The following BBS9 variants were observed in gnomAD, a reference collection of about 807,000 sequenced individuals.
BBS9 encodes protein PTHB1.
BBS9 carries 89 observed loss-of-function variants against 117.7 expected under a neutral mutation model. The observed-to-expected ratio is 0.76, with a 90% CI of 0.64 to 0.90. BBS9 has a LOEUF of 0.90. Among genes scored for constraint, BBS9 ranks in the 40% least tolerant of loss-of-function variants. The pLI is 0.00. For missense variants in BBS9, 982 were observed against 1,042.2 expected (o/e 0.94, Z 0.80); for synonymous variants, 379 against 370.9 (o/e 1.02, Z -0.25).
At chr7:33,472,219 C>T (rs754010565) in intron 19 of BBS9, among the ~76,000 whole-genome samples, 1 of 152,142 alleles carries the variant, frequency 6.6e-6, no homozygotes, top group South Asian at 2.1e-4. Context: ...ATATCTAAAG[C>T]ACTGTGAAGA....
intron 16 of BBS9, among the ~76,000 whole-genome samples, chr7:33,366,792 C>T (rs1011492464): frequency 6.6e-6 from 1 of 152,096 alleles, no homozygotes; most frequent in African/African-American, 2.4e-5. Context: ...GATCTGCCCA[C>T]CTCGGCCTCC....
intron 21 of BBS9, among the ~76,000 whole-genome samples, chr7:33,596,752 G>C (rs17170308): frequency 0.091 from 13,840 of 152,022 alleles, 1,077 homozygotes; most frequent in East Asian, 0.32. Flanking sequence ...GTGTAGAAGT[G>C]CATACACAGA....
At chr7:33,426,689 T>TA (rs1833708014) in intron 19 of BBS9, among the ~76,000 whole-genome samples, 2 of 152,208 alleles carry the variant, frequency 1.3e-5, no homozygotes, top group Non-Finnish European at 1.5e-5. Context: ...CGGAGTTTTT[T>TA]AAAAAACTAT....
intron 9 of BBS9, among the ~76,000 whole-genome samples, chr7:33,284,492 T>A (rs6946608): frequency 1.3e-5 from 2 of 151,948 alleles, no homozygotes; most frequent in African/African-American, 2.4e-5. Flanking sequence ...AATGCCACAC[T>A]TGCCACCATA....
At chr7:33,154,885 C>T (rs965407328) in intron 3 of BBS9, among the ~76,000 whole-genome samples, 2 of 152,358 alleles carry the variant, frequency 1.3e-5, no homozygotes, top group East Asian at 1.9e-4. Context: ...GCTCTGGCCC[C>T]AAGCCCAGAA....
At chr7:33,459,713 C>A (rs1471904026) in intron 19 of BBS9, among the ~76,000 whole-genome samples, 7 of 152,114 alleles carry the variant, frequency 4.6e-5, no homozygotes, top group Non-Finnish European at 8.8e-5. Flanking sequence ...TCAGCCATTT[C>A]TCCAAGGAGC....
chr7:33,273,016 ATTG>A lies in BBS9; in HGVS notation c.708_710del (p.Asp236_Trp237delinsGlu), dbSNP rs781639774. 6.2e-7 allele frequency: 1 copy of A among 1,613,632 alleles called. No individual in the cohort carries two copies. Among genetic ancestry groups the A allele is most frequent in the Non-Finnish European group, 8.5e-7 (1 of 1,179,740 alleles). On this transcript the variant is annotated inframe_deletion, in exon 8 of 23. Coordinates refer to ENST00000242067, the MANE Select transcript of BBS9 (RefSeq NM_198428.3). ...ATATTGAGTTTTGCTTTGTAGGTGG[ATTG>A]GACTCTAAATATTGGAGAGCAAGCC...
At chr7:33,358,950 C>G (rs1820127284) in intron 16 of BBS9, among the ~76,000 whole-genome samples, 3 of 151,592 alleles carry the variant, frequency 2.0e-5, no homozygotes, top group Admixed American at 2.0e-4. Flanking sequence ...TTATATATAA[C>G]TCTGAAAAAT....
intron 17 of BBS9, among the ~76,000 whole-genome samples, chr7:33,377,544 C>T (rs977874650): frequency 6.6e-6 from 1 of 151,994 alleles, no homozygotes; most frequent in Non-Finnish European, 1.5e-5. Context: ...ATAATTTTTT[C>T]TAGCTCTTGA....
chr7:33,575,822 AG>A (rs1345454183), intron 21 of BBS9, among the ~76,000 whole-genome samples: 1 of 152,190 alleles, frequency 6.6e-6, no homozygotes, highest in Non-Finnish European at 1.5e-5. Context: ...TTATCTCAAT[AG>A]ATGTAGAAAA....
At chr7:33,213,452 A>G (rs1225336123) in intron 5 of BBS9, among the ~76,000 whole-genome samples, 1 of 152,232 alleles carries the variant, frequency 6.6e-6, no homozygotes, top group Non-Finnish European at 1.5e-5. Flanking sequence ...TGGAGACCCC[A>G]GGAGCCTGCT....
chr7:33,552,108 G>T (rs926161674), intron 21 of BBS9, among the ~76,000 whole-genome samples: 3 of 152,006 alleles, frequency 2.0e-5, no homozygotes, highest in Admixed American at 6.6e-5. Context: ...TGACATAAAA[G>T]AATTTTCATA....
chr7:33,556,603 TGTACTGGTCAGAGGCCAG>T (rs1462206379), intron 21 of BBS9, among the ~76,000 whole-genome samples: 4 of 152,176 alleles, frequency 2.6e-5, no homozygotes, highest in Admixed American at 2.0e-4. Flanking sequence ...ATTTTAAAGG[TGTACTGGTCAGAGGCCAG>T]GTGGCATAAT....
intron 4 of BBS9, among the ~76,000 whole-genome samples, chr7:33,167,755 A>T (rs989593166): frequency 2.0e-5 from 3 of 152,098 alleles, no homozygotes; most frequent in African/African-American, 4.8e-5. Flanking sequence ...GTTACCAGAA[A>T]CCTGTATTCA....
intron 19 of BBS9, among the ~76,000 whole-genome samples, chr7:33,419,959 C>T (rs994143768): frequency 3.3e-5 from 5 of 152,076 alleles, no homozygotes; most frequent in African/African-American, 9.6e-5. Context: ...TGAACAGATC[C>T]TGAGAATAAT....
chr7:33,195,332 T>G (rs921780391), intron 5 of BBS9, among the ~76,000 whole-genome samples: 16 of 152,178 alleles, frequency 1.1e-4, no homozygotes, highest in Non-Finnish European at 1.0e-4. Flanking sequence ...GTTAGCTCAG[T>G]TCCATTATTC....
At chr7:33,590,544 G>A (rs1861740381) in intron 21 of BBS9, among the ~76,000 whole-genome samples, 1 of 145,984 alleles carries the variant, frequency 6.9e-6, no homozygotes. Context: ...TTCCTAGATA[G>A]CTATAGTTGC....
At chr7:33,427,384 T>C (rs1462738308) in intron 19 of BBS9, among the ~76,000 whole-genome samples, 1 of 152,164 alleles carries the variant, frequency 6.6e-6, no homozygotes. Context: ...CTGTGAAGAA[T>C]GGAGAAAACA....
At chr7:33,502,936 G>A (rs1019583982) in intron 19 of BBS9, among the ~76,000 whole-genome samples, 4 of 152,030 alleles carry the variant, frequency 2.6e-5, no homozygotes, top group East Asian at 1.9e-4. Flanking sequence ...AAAATAAAAA[G>A]CTTTTTCTTT....
Sources: gnomAD v4.1 joint callset for allele counts (sites outside exome capture counted in the v4.1 genomes callset) on GRCh38, gnomAD v4.1.1 for gene constraint, MANE v1.5 for transcripts, NCBI Gene and HGNC (gene_info 2026-07-23, HGNC 2026-07-21) for gene names.